Variants in NXPE4 observed in about 807,000 individuals in gnomAD.
The protein encoded by NXPE4 is NXPE family member 4.
A neutral mutation model predicts 33.3 loss-of-function variants in NXPE4; 42 were observed. The ratio of observed to expected loss-of-function variants is 1.26; its 90% CI spans 0.98 to 1.63. The LOEUF is 1.63. Ranked by LOEUF, NXPE4 falls within the 40% of genes most tolerant of loss-of-function variation. The probability of loss-of-function intolerance (pLI) is 0.00; values close to 1 mark genes in which losing one functional copy is unlikely to be tolerated. For missense variants in NXPE4, 709 were observed against 647.6 expected (o/e 1.09, Z -1.03); for synonymous variants, 253 against 234.9 (o/e 1.08, Z -0.71).
chr11:114,638,150 G>A, the NXPE4 span, among the ~76,000 whole-genome samples: 1 of 151,762 alleles, frequency 6.6e-6, no homozygotes, highest in African/African-American at 2.4e-5. Context: ...TTTCTCGGAG[G>A]CTTTGTTCAT....
the NXPE4 span, among the ~76,000 whole-genome samples, chr11:114,644,488 C>T: frequency 6.6e-6 from 1 of 152,050 alleles, no homozygotes; most frequent in Non-Finnish European, 1.5e-5. Context: ...TTATCAATTG[C>T]ATTTCTAAGC....
the NXPE4 span, among the ~76,000 whole-genome samples, chr11:114,640,999 T>C: frequency 6.6e-6 from 1 of 151,980 alleles, no homozygotes; most frequent in Non-Finnish European, 1.5e-5. Context: ...TCAACATCAT[T>C]GGAGAATGAT....
chr11:114,602,747 CAT>C, the NXPE4 span, among the ~76,000 whole-genome samples: 1 of 143,462 alleles, frequency 7.0e-6, no homozygotes, highest in Non-Finnish European at 1.5e-5. Context: ...ATTAAAGAAT[CAT>C]ATATAAGTAT....
the NXPE4 span, among the ~76,000 whole-genome samples, chr11:114,647,490 A>G: frequency 6.6e-6 from 1 of 152,126 alleles, no homozygotes; most frequent in Non-Finnish European, 1.5e-5. Flanking sequence ...TATTTCCTTA[A>G]TGCTCACTAA....
At chr11:114,654,027 A>G in the NXPE4 span, among the ~76,000 whole-genome samples, 152,122 of 152,310 alleles carry the variant, frequency 1, 75,967 homozygotes, top group Middle Eastern at 1. Context: ...AAGCATGAAC[A>G]TAGGAAAATC....
At position 114,582,882 on chromosome 11, in the gene NXPE4, A is replaced by T; in HGVS notation, c.236T>A (p.Leu79Gln). 6.2e-7 allele frequency: 1 copy of T among 1,614,030 alleles called. No individual in the cohort carries two copies. The highest frequency in any genetic ancestry group is 2.2e-5 in the East Asian group (1 of 44,874). ...AGGTCTGGGTGGGATCTGCTGATCTAGTTTCTCTATGATTTCCTTTATTCT... is the reference window on the plus strand; with the variant it reads ...AGGTCTGGGTGGGATCTGCTGATCTTGTTTCTCTATGATTTCCTTTATTCT... ...ELRIKEIIEK[L>Q]DQQIPPRPFT... Residue 79 changes from leucine (L) to glutamine (Q), a missense_variant, in exon 3 of 6, where the codon CTA (leucine) becomes CAA (glutamine). Coordinates refer to ENST00000375478, the MANE Select transcript of NXPE4 (RefSeq NM_001077639.2).
chr11:114,602,839 T>G, the NXPE4 span, among the ~76,000 whole-genome samples: 151 of 146,996 alleles, frequency 1.0e-3, no homozygotes, highest in African/African-American at 3.5e-3. Flanking sequence ...TCTCATATAA[T>G]TACAGAATCA....
chr11:114,663,677 T>TCTA, the NXPE4 span, among the ~76,000 whole-genome samples: 9 of 132,168 alleles, frequency 6.8e-5, no homozygotes, highest in Non-Finnish European at 4.7e-5. Context: ...CATCTATCTA[T>TCTA]TTATCTATCT....
chr11:114,632,024 T>A, the NXPE4 span, among the ~76,000 whole-genome samples: 1 of 147,032 alleles, frequency 6.8e-6, no homozygotes, highest in African/African-American at 2.5e-5. Flanking sequence ...AGATAATAAT[T>A]ATACTTTATA....
chr11:114,603,032 C>T, the NXPE4 span, among the ~76,000 whole-genome samples: 607 of 150,984 alleles, frequency 4.0e-3, 1 homozygote, highest in Non-Finnish European at 6.8e-3. Flanking sequence ...ATATATAATA[C>T]GGAACCGTAT....
At chr11:114,626,188 G>C in the NXPE4 span, among the ~76,000 whole-genome samples, 10 of 152,250 alleles carry the variant, frequency 6.6e-5, no homozygotes, top group South Asian at 1.7e-3. Flanking sequence ...CTTAAGGAGG[G>C]CTGCCTGCCT....
chr11:114,657,555 C>G, the NXPE4 span, among the ~76,000 whole-genome samples: 1 of 152,024 alleles, frequency 6.6e-6, no homozygotes, highest in Non-Finnish European at 1.5e-5. Flanking sequence ...TAGGCCCACA[C>G]TAGATATTGC....
At chr11:114,623,534 T>A in the NXPE4 span, among the ~76,000 whole-genome samples, 2 of 152,128 alleles carry the variant, frequency 1.3e-5, no homozygotes, top group Non-Finnish European at 2.9e-5. Context: ...GGATAAACAC[T>A]GTTACCTGGC....
the NXPE4 span, among the ~76,000 whole-genome samples, chr11:114,620,244 A>C: frequency 6.6e-6 from 1 of 151,016 alleles, no homozygotes; most frequent in African/African-American, 2.4e-5. Context: ...GTTGGATAAT[A>C]ATTATTGCCT....
At chr11:114,626,757 G>A in the NXPE4 span, among the ~76,000 whole-genome samples, 3 of 152,110 alleles carry the variant, frequency 2.0e-5, no homozygotes, top group African/African-American at 7.2e-5. Context: ...AGGCAAAGAA[G>A]TTGAAAACTT....
chr11:114,663,630 TATCTATC>T, the NXPE4 span, among the ~76,000 whole-genome samples: 148 of 109,710 alleles, frequency 1.3e-3, no homozygotes, highest in Middle Eastern at 4.3e-3. Flanking sequence ...TCTATCTATC[TATCTATC>T]ATCTATCCAT....
intron 5 of NXPE4, among the ~76,000 whole-genome samples, chr11:114,579,768 C>G (rs145873530): frequency 1.3e-5 from 2 of 152,114 alleles, no homozygotes; most frequent in African/African-American, 4.8e-5. Context: ...AGGTTTTGAA[C>G]CCAGGTTGTC....
chr11:114,618,688 GA>G, the NXPE4 span, among the ~76,000 whole-genome samples: 1 of 152,060 alleles, frequency 6.6e-6, no homozygotes. Context: ...TTACCCACTT[GA>G]TAATAAGTGC....
chr11:114,598,255 C>T (rs956741306), upstream of NXPE4, among the ~76,000 whole-genome samples: 1 of 34,838 alleles, frequency 2.9e-5, no homozygotes, highest in South Asian at 1.2e-3. Context: ...AAGGGGTGGG[C>T]TCCCAAGGAC....
Sources: allele counts gnomAD v4.1 joint callset (sites outside exome capture counted in the v4.1 genomes callset), GRCh38; gene constraint gnomAD v4.1.1; transcripts MANE v1.5; gene names NCBI Gene and HGNC (gene_info 2026-07-23, HGNC 2026-07-21).